Variants in SNRPD3 observed in about 807,000 individuals in gnomAD.
The protein encoded by SNRPD3 is small nuclear ribonucleoprotein Sm D3.
For missense variants in SNRPD3, 73 were observed against 167.5 expected (o/e 0.44, Z 3.11); for synonymous variants, 66 against 58.4 (o/e 1.13, Z -0.59).
At position 24,572,172 on chromosome 22, in the gene SNRPD3, G is replaced by A. The variant is rs566269358; in HGVS notation, c.*195G>A. The A allele has an allele frequency of 4.4e-6, 5 of 1,136,700 alleles. No individual in the cohort carries two copies. The African/African-American group carries it at 6.3e-5, about 14-fold the overall frequency. 70.4% of individuals were successfully genotyped at this position (1,136,700 alleles called of 1,614,324 possible). On this transcript the variant is annotated 3_prime_UTR_variant, in exon 4 of 4. Transcript: ENST00000215829. ...TTTTCTTTGAGAAAATAAGGACTTTGTGTTCATTTGAAGTTTGCTTTGGCT... is the reference window on the plus strand; with the variant it reads ...TTTTCTTTGAGAAAATAAGGACTTTATGTTCATTTGAAGTTTGCTTTGGCT...
chr22:24,564,187 G>A (rs1374306586), intron 2 of SNRPD3, among the ~76,000 whole-genome samples: 4 of 152,090 alleles, frequency 2.6e-5, no homozygotes, highest in Non-Finnish European at 5.9e-5. Context: ...GTGTGAAATT[G>A]TCCTAAAGAA....
intron 1 of SNRPD3, among the ~76,000 whole-genome samples, chr22:24,557,310 A>G (rs2045084473): frequency 6.6e-6 from 1 of 152,198 alleles, no homozygotes; most frequent in African/African-American, 2.4e-5. Context: ...TTAACATTCC[A>G]GTCCCCCTCC....
At position 24,572,389 on chromosome 22, in the gene SNRPD3, CTT is replaced by C; in HGVS notation, c.*414_*415del. 2.0e-6 allele frequency: 1 copy of C among 488,686 alleles called. No individual in the cohort carries two copies. The highest frequency in any genetic ancestry group is 3.7e-6 in the Non-Finnish European group (1 of 272,418). The allele number at this position is 488,686 out of a possible 1,614,324, so 30.3% of individuals were successfully genotyped here. ...TCAGACACAGGCACATAGTGTGGCA[CTT>C]TGTTCAGTTAACATTTGTGGAGCTG... On this transcript the variant is annotated 3_prime_UTR_variant, in exon 4 of 4. Transcript: ENST00000215829.
intron 2 of SNRPD3, among the ~76,000 whole-genome samples, chr22:24,564,278 C>T (rs537798905): frequency 1.3e-5 from 2 of 152,248 alleles, no homozygotes; most frequent in South Asian, 4.1e-4. Flanking sequence ...CATCTTGGCC[C>T]CAGGTATCTA....
chr22:24,568,931 A>G (rs2045222930), intron 3 of SNRPD3, among the ~76,000 whole-genome samples: 1 of 152,170 alleles, frequency 6.6e-6, no homozygotes, highest in Admixed American at 6.6e-5. Flanking sequence ...CTGGTCTTGA[A>G]GTCCTGACCT....
intron 2 of SNRPD3, among the ~76,000 whole-genome samples, chr22:24,563,553 A>G (rs1292273441): frequency 1.3e-5 from 2 of 152,156 alleles, no homozygotes; most frequent in African/African-American, 4.8e-5. Context: ...GAGAAAAATA[A>G]CAATACTCCA....
At chr22:24,560,420 C>T (rs2045123219) in intron 2 of SNRPD3, among the ~76,000 whole-genome samples, 2 of 132,766 alleles carry the variant, frequency 1.5e-5, no homozygotes, top group South Asian at 4.9e-4. Context: ...CCATGCCCAG[C>T]TTGCTTGCTT....
intron 2 of SNRPD3, among the ~76,000 whole-genome samples, chr22:24,563,571 TC>T (rs1276280785): frequency 6.6e-6 from 1 of 152,062 alleles, no homozygotes; most frequent in African/African-American, 2.4e-5. Flanking sequence ...CCAAAATATG[TC>T]CCCAGTTTTA....
At position 24,560,715 on chromosome 22, in the gene SNRPD3, C is replaced by CCTTTTT. The variant is rs1569024539; in HGVS notation, c.126+2915_126+2916insCTTTTT. 6.1e-5 allele frequency among the ~76,000 whole-genome samples: 6 copies of CCTTTTT among 98,864 alleles called. 3 individuals are homozygous for CCTTTTT. Among genetic ancestry groups the CCTTTTT allele is most frequent in the Non-Finnish European group, 1.1e-4 (6 of 53,526 alleles). The allele number at this position is 98,864 out of a possible 152,430, so 64.9% of individuals were successfully genotyped here. A position where few individuals can be genotyped will look rare whatever the true frequency, so the allele number is the denominator to read the frequency against. On this transcript the variant is annotated intron_variant, in intron 2 of 3. Coordinates refer to ENST00000215829, the MANE Select transcript of SNRPD3 (RefSeq NM_004175.5). ...ACAGGCGTGAGCCACTGCACCTGGC[C>CCTTTTT]TTTTTTTTTTTTTTTTTTTTTTTTT...
intron 1 of SNRPD3, 125 bp downstream of exon 1, chr22:24,556,196 C>CAA: frequency 5.4e-6 from 2 of 371,064 alleles, no homozygotes; most frequent in South Asian, 7.3e-5. Flanking sequence ...TTGGGCCACC[C>CAA]AAACATCAGC....
chr22:24,556,911 C>T (rs1057139743), intron 1 of SNRPD3, among the ~76,000 whole-genome samples: 1 of 152,230 alleles, frequency 6.6e-6, no homozygotes, highest in Non-Finnish European at 1.5e-5. Context: ...CAGGTGCTTT[C>T]CCTGATTTTC....
chr22:24,570,163 A>G (rs1194523880), intron 3 of SNRPD3, among the ~76,000 whole-genome samples: 4 of 152,264 alleles, frequency 2.6e-5, no homozygotes, highest in East Asian at 3.8e-4. Flanking sequence ...CCTCCAGGGT[A>G]TAGGGCAGGA....
At chr22:24,558,010 G>A in intron 2 of SNRPD3, 1 of 415,996 alleles carries the variant, frequency 2.4e-6, no homozygotes, top group Non-Finnish European at 4.2e-6. Flanking sequence ...CCATTTGGAG[G>A]TTTGGAATAT....
intron 2 of SNRPD3, among the ~76,000 whole-genome samples, chr22:24,560,658 G>A (rs1433872851): frequency 2.0e-5 from 3 of 147,870 alleles, no homozygotes; most frequent in Admixed American, 6.7e-5. Context: ...TCAAACTCCT[G>A]AGTTTGCCTC....
chr22:24,555,933 A>G, upstream of SNRPD3: 1 of 1,195,374 alleles, frequency 8.4e-7, no homozygotes, highest in Non-Finnish European at 1.2e-6. Flanking sequence ...CACTGGGGAA[A>G]GGAAGGAGGC....
rs1306652728 is a variant in SNRPD3 at position 24,573,908 on chromosome 22, T to A, written c.*1931T>A. On this transcript the variant is annotated 3_prime_UTR_variant, in exon 4 of 4. Coordinates refer to ENST00000215829, the MANE Select transcript of SNRPD3 (RefSeq NM_004175.5). ...ATAAAAAACAAATGAAAGCAGTGGTTTTCAACATCAACTAAGGATCTTATT... is the reference window on the plus strand; with the variant it reads ...ATAAAAAACAAATGAAAGCAGTGGTATTCAACATCAACTAAGGATCTTATT... 1.3e-5 allele frequency among the ~76,000 whole-genome samples: 2 copies of A among 152,102 alleles called. No individual in the cohort carries two copies. Among genetic ancestry groups the A allele is most frequent in the Non-Finnish European group, 2.9e-5 (2 of 68,010 alleles).
At chr22:24,555,886 C>T, upstream of SNRPD3, 2 of 1,510,228 alleles carry the variant, frequency 1.3e-6, no homozygotes, top group Non-Finnish European at 1.8e-6. Flanking sequence ...AGCCGGCAGG[C>T]GGAGTGAGGA....
intron 2 of SNRPD3, among the ~76,000 whole-genome samples, chr22:24,563,110 G>T (rs1003225266): frequency 2.0e-5 from 3 of 152,056 alleles, no homozygotes; most frequent in African/African-American, 7.2e-5. Flanking sequence ...GCTCATGCCT[G>T]TAATCCCAGC....
At chr22:24,558,337 G>A (rs560722303) in intron 2 of SNRPD3, among the ~76,000 whole-genome samples, 28 of 152,314 alleles carry the variant, frequency 1.8e-4, no homozygotes, top group Admixed American at 1.2e-3. Context: ...CTGATATGGT[G>A]TCCTTCTCAT....
Sources: allele counts gnomAD v4.1 joint callset (sites outside exome capture counted in the v4.1 genomes callset), GRCh38; gene constraint gnomAD v4.1.1; transcripts MANE v1.5; gene names NCBI Gene and HGNC (gene_info 2026-07-23, HGNC 2026-07-21).